The following PCDHGA2 variants were observed in gnomAD, a reference collection of about 807,000 sequenced individuals.
The protein encoded by PCDHGA2 is protocadherin gamma-A2.
Under a neutral mutation model 59.2 loss-of-function variants are expected in PCDHGA2, and 40 were observed. The observed-to-expected ratio is 0.68, with a 90% confidence interval of 0.52 to 0.88. PCDHGA2 has a LOEUF of 0.88. PCDHGA2 is among the 40% of genes least tolerant of loss of function. PCDHGA2 has a pLI of 0.00. For synonymous variants in PCDHGA2, 560 were observed against 526.0 expected (o/e 1.06, Z -0.89); for missense variants, 1,226 against 1,204.0 (o/e 1.02, Z -0.27).
chr5:141,422,907 G>C (rs1330364637), intron 1 of PCDHGA2: 4 of 1,614,078 alleles, frequency 2.5e-6, no homozygotes, highest in Non-Finnish European at 3.4e-6. Flanking sequence ...ACGACAATGC[G>C]CCCGAGATCC....
At chr5:141,354,548 C>T (rs1759572044) in intron 1 of PCDHGA2, among the ~76,000 whole-genome samples, 1 of 152,238 alleles carries the variant, frequency 6.6e-6, no homozygotes, top group African/African-American at 2.4e-5. Flanking sequence ...AGAGGGTCAA[C>T]TCCTGTGAGG....
At chr5:141,454,931 C>T (rs2154564856) in intron 1 of PCDHGA2, among the ~76,000 whole-genome samples, 2 of 151,066 alleles carry the variant, frequency 1.3e-5, no homozygotes, top group South Asian at 4.2e-4. Context: ...CCTCAGCCTC[C>T]CGAGTAGCTG....
Position 141,409,704 on chromosome 5 carries a change from T to C in PCDHGA2, c.2424+68309T>C. ...GCGAGTGACCTAGAGCCCCTGGCGG[T>C]GTCGTCATACGTGTCAGTGAGCGCG... On this transcript the variant is annotated intron_variant, in intron 1 of 3. Transcript: ENST00000394576. 6.2e-7 allele frequency: 1 copy of C among 1,613,248 alleles called. No homozygotes were observed. Among genetic ancestry groups the C allele is most frequent in the South Asian group, 1.1e-5 (1 of 91,072 alleles).
chr5:141,372,272 G>A (rs1220492258), intron 1 of PCDHGA2: 1 of 1,613,124 alleles, frequency 6.2e-7, no homozygotes, highest in South Asian at 1.1e-5. Flanking sequence ...CGGGTGAGGT[G>A]CGCACGGCGC....
At chr5:141,348,286 G>A (rs962086653) in intron 1 of PCDHGA2, among the ~76,000 whole-genome samples, 1 of 152,188 alleles carries the variant, frequency 6.6e-6, no homozygotes, top group African/African-American at 2.4e-5. Context: ...AGAGTAAGGT[G>A]TATTCTCACT....
chr5:141,398,369 G>A (rs889057054), intron 1 of PCDHGA2: 2 of 1,428,778 alleles, frequency 1.4e-6, no homozygotes, highest in African/African-American at 2.9e-5. Context: ...AGCGCAGAGA[G>A]CGGGGAGTTG....
intron 1 of PCDHGA2, chr5:141,361,905 G>C (rs753577656): frequency 6.2e-7 from 1 of 1,608,996 alleles, no homozygotes. Flanking sequence ...TGGTGACCAA[G>C]GTGGTGGCGG....
intron 1 of PCDHGA2, chr5:141,344,132 C>T (rs1216708631): frequency 6.2e-7 from 1 of 1,613,918 alleles, no homozygotes. Flanking sequence ...AGATCCGCTA[C>T]TCGGTGTCTG....
chr5:141,389,265 G>C (rs1452714844), intron 1 of PCDHGA2: 1 of 1,614,004 alleles, frequency 6.2e-7, no homozygotes, highest in East Asian at 2.2e-5. Flanking sequence ...CCACGTGGCC[G>C]AGAACAACCC....
chr5:141,388,161 G>A (rs2150354529), intron 1 of PCDHGA2: 4 of 1,475,088 alleles, frequency 2.7e-6, no homozygotes, highest in South Asian at 1.2e-5. Flanking sequence ...GCTAGACAGG[G>A]AGGAGATATG....
chr5:141,432,663 G>A lies in PCDHGA2; in HGVS notation c.2425-62144G>A. ...CGCACGGCGCGAGCCCTGCTGGACA[G>A]AGACGCGCTCAAGCAGAGCCTCGTA... On this transcript the variant is annotated intron_variant, in intron 1 of 3. Coordinates refer to ENST00000394576, the MANE Select transcript of PCDHGA2 (RefSeq NM_018915.4). This position sits in a 1 kb window ranked among gnomAD's most constrained non-coding sequence, Gnocchi z 6.0. 1 of 1,613,886 alleles carries A rather than the reference G, an allele frequency of 6.2e-7. No individual in the cohort carries two copies. Among genetic ancestry groups the A allele is most frequent in the Non-Finnish European group, 8.5e-7 (1 of 1,179,952 alleles).
At chr5:141,509,032 A>G (rs2099873869) in intron 3 of PCDHGA2, among the ~76,000 whole-genome samples, 1 of 151,488 alleles carries the variant, frequency 6.6e-6, no homozygotes, top group African/African-American at 2.4e-5. Flanking sequence ...CTCCCACTCA[A>G]CCCCTCTCCC....
In PCDHGA2 at chr5:141,491,354, C is replaced by T. The variant is rs2099710960; in HGVS notation, c.2425-3453C>T. The T allele has an allele frequency of 6.2e-7, 1 of 1,614,166 alleles. No homozygotes were observed. Among genetic ancestry groups the T allele is most frequent in the South Asian group, 1.1e-5 (1 of 91,088 alleles). On this transcript the variant is annotated intron_variant, in intron 1 of 3. Coordinates refer to ENST00000394576, the MANE Select transcript of PCDHGA2 (RefSeq NM_018915.4). This position sits in a 1 kb window ranked among gnomAD's most constrained non-coding sequence, Gnocchi z 6.9. ...GCTCTAGCGACCGTCAGTCTCTTAT[C>T]CCTAGTCACCTTCACCTTTCTGTCA...
chr5:141,387,938 T>G (rs1461367286), intron 1 of PCDHGA2: 1 of 1,476,714 alleles, frequency 6.8e-7, no homozygotes, highest in South Asian at 1.4e-5. Context: ...CAGTGCTCTT[T>G]CTCTTCCTGC....
intron 1 of PCDHGA2, chr5:141,441,477 C>T (rs529495102): frequency 1.2e-4 from 20 of 170,782 alleles, no homozygotes; most frequent in Middle Eastern, 5.7e-4. Context: ...ATGCCAACGA[C>T]AATGCTCTGG....
chr5:141,502,615 A>G (rs2099815317), intron 2 of PCDHGA2, among the ~76,000 whole-genome samples: 1 of 152,218 alleles, frequency 6.6e-6, no homozygotes, highest in Non-Finnish European at 1.5e-5. Context: ...TTGTGAAAAT[A>G]TAAGTAATCT....
At chr5:141,413,221 G>C (rs1384304697) in intron 1 of PCDHGA2, 1 of 1,613,570 alleles carries the variant, frequency 6.2e-7, no homozygotes, top group South Asian at 1.1e-5. Context: ...GGATTGCAGC[G>C]GGCTGGTCCT....
At chr5:141,423,734 T>C in intron 1 of PCDHGA2, 1 of 969,626 alleles carries the variant, frequency 1.0e-6, no homozygotes, top group Non-Finnish European at 1.3e-6. Flanking sequence ...TTTTTGAGCC[T>C]GTTATGAAAA....
chr5:141,442,930 T>C (rs77210959), intron 1 of PCDHGA2, among the ~76,000 whole-genome samples: 6,420 of 152,302 alleles, frequency 0.042, 216 homozygotes, highest in African/African-American at 0.092. Flanking sequence ...TCATTTTCTA[T>C]TTAAGAAACT....
Sources: gnomAD v4.1 joint callset for allele counts (sites outside exome capture counted in the v4.1 genomes callset) on GRCh38, gnomAD v4.1.1 for gene constraint, Gnocchi (gnomAD v3.1) non-coding constraint, MANE v1.5 for transcripts, NCBI Gene and HGNC (gene_info 2026-07-23, HGNC 2026-07-21) for gene names.